Variants in UST observed in about 807,000 individuals in gnomAD.
UST encodes chondroitin sulfate 2-O-sulfotransferase.
A neutral mutation model predicts 45.6 loss-of-function variants in UST; 21 were observed. The ratio of observed to expected loss-of-function variants is 0.46; its 90% CI spans 0.33 to 0.66. The LOEUF is 0.66. UST is among the 30% of genes least tolerant of loss of function. The pLI, the probability that UST is intolerant of heterozygous loss-of-function variation, is 0.02. For missense variants in UST, 463 were observed against 512.4 expected, an observed-to-expected ratio of 0.90 and a Z score of 0.93; for synonymous variants, 215 against 200.6, an observed-to-expected ratio of 1.07 and a Z score of -0.61.
intron 1 of UST, among the ~76,000 whole-genome samples, chr6:148,870,465 C>T (rs114770536): frequency 0.011 from 1,645 of 152,300 alleles, 30 homozygotes; most frequent in African/African-American, 0.037. Flanking sequence ...GGTTTCAAGT[C>T]GTAAACACAT....
At chr6:148,888,422 C>T (rs1778951075) in intron 2 of UST, among the ~76,000 whole-genome samples, 1 of 152,156 alleles carries the variant, frequency 6.6e-6, no homozygotes, top group Admixed American at 6.5e-5. Context: ...TTTAGACCAC[C>T]CCCACATTCA....
At chr6:149,014,641 G>T (rs1193370522) in intron 5 of UST, among the ~76,000 whole-genome samples, 1 of 152,218 alleles carries the variant, frequency 6.6e-6, no homozygotes, top group East Asian at 1.9e-4. Context: ...ACTGGAGTAT[G>T]TTAACTCTCC....
chr6:148,991,522 C>T (rs1781352609), intron 5 of UST, among the ~76,000 whole-genome samples: 1 of 128,146 alleles, frequency 7.8e-6, no homozygotes, highest in Non-Finnish European at 1.6e-5. Context: ...CCCCCCACCC[C>T]ACGACAGGCC....
At chr6:148,919,095 T>C (rs1214398690) in intron 2 of UST, among the ~76,000 whole-genome samples, 2 of 152,184 alleles carry the variant, frequency 1.3e-5, no homozygotes, top group Admixed American at 6.5e-5. Context: ...ACCCCGTTAA[T>C]ACCCAGTCTC....
intron 2 of UST, among the ~76,000 whole-genome samples, chr6:148,910,340 A>G (rs773444374): frequency 1.5e-4 from 23 of 152,068 alleles, no homozygotes; most frequent in Non-Finnish European, 1.0e-4. Flanking sequence ...GGGTTTCTCC[A>G]TGTTGGTCAG....
intron 1 of UST, among the ~76,000 whole-genome samples, chr6:148,789,414 G>A (rs546236654): frequency 1.3e-5 from 2 of 149,596 alleles, no homozygotes; most frequent in African/African-American, 2.5e-5. Context: ...AGGATCTAGA[G>A]TTCTTGTGCA....
chr6:149,017,823 C>T lies in UST; in HGVS notation c.682-1316C>T, dbSNP rs1330228553. Reference sequence around the variant, plus strand: ...ATACACACACACACACACACACACACACACACACACACACATCTGTCAGTG... The same window carrying T: ...ATACACACACACACACACACACACATACACACACACACACATCTGTCAGTG... On this transcript the variant is annotated intron_variant, in intron 5 of 7. Coordinates refer to ENST00000367463, the MANE Select transcript of UST (RefSeq NM_005715.3). Among the ~76,000 whole-genome samples, 7 of 149,664 alleles carry T rather than the reference C, an allele frequency of 4.7e-5. 1 individual carries two copies. The highest frequency in any genetic ancestry group is 1.3e-4 in the Admixed American group (2 of 15,226).
chr6:148,928,647 GATCT>G (rs1394966557), intron 2 of UST, among the ~76,000 whole-genome samples: 2 of 152,186 alleles, frequency 1.3e-5, no homozygotes, highest in African/African-American at 4.8e-5. Flanking sequence ...TCCATGATCA[GATCT>G]ATGCTGGTGG....
rs549483335 is a variant in UST, at chr6:148,761,727, G to A, written c.247+14050G>A. ...TTGCCAGCCTGGCCCGGGGATTGTG[G>A]TGTGGTCACCTCTTAGCAGGTGGAG... On this transcript the variant is annotated intron_variant, in intron 1 of 7. Coordinates refer to ENST00000367463, the MANE Select transcript of UST (RefSeq NM_005715.3). Among the ~76,000 whole-genome samples, 4 of 152,332 alleles carry A rather than the reference G, an allele frequency of 2.6e-5. No homozygotes were observed. The East Asian group carries it at 7.7e-4, about 29-fold the overall frequency.
chr6:149,019,180 C>A lies in UST; in HGVS notation c.723C>A (p.Ser241=). The change falls in exon 6 of 8, where the codon TCC becomes TCA. Residue 241 remains serine, a synonymous_variant. Transcript: ENST00000367463. ...TTCTTGAAAACTATCCCGAGTGCTCCAACCCCAGGTTATTTTACATCATTC... is the reference window on the plus strand; with the variant it reads ...TTCTTGAAAACTATCCCGAGTGCTCAAACCCCAGGTTATTTTACATCATTC... ...ECILENYPEC[S]NPRLFYIIPY... The A allele has an allele frequency of 6.2e-7, 1 of 1,614,062 alleles. No individual in the cohort carries two copies. Among genetic ancestry groups the A allele is most frequent in the Non-Finnish European group, 8.5e-7 (1 of 1,179,970 alleles).
chr6:148,842,359 C>A (rs1269884320), intron 1 of UST, among the ~76,000 whole-genome samples: 1 of 152,198 alleles, frequency 6.6e-6, no homozygotes, highest in East Asian at 1.9e-4. Context: ...CATATGCACA[C>A]ATCTGTTATA....
chr6:149,069,895 G>T (rs977919683), intron 7 of UST, among the ~76,000 whole-genome samples: 3 of 152,202 alleles, frequency 2.0e-5, no homozygotes, highest in African/African-American at 7.2e-5. Context: ...AGATAGTTTT[G>T]TAGTCAAGGT....
At chr6:148,761,980 G>A (rs1013343485) in intron 1 of UST, among the ~76,000 whole-genome samples, 5 of 152,166 alleles carry the variant, frequency 3.3e-5, no homozygotes, top group African/African-American at 7.2e-5. Context: ...ACCAAATGGC[G>A]CAGTGTCTTT....
intron 5 of UST, among the ~76,000 whole-genome samples, chr6:149,016,531 C>T (rs1775901410): frequency 6.6e-6 from 1 of 151,882 alleles, no homozygotes; most frequent in South Asian, 2.1e-4. Context: ...TGCTTTAGTC[C>T]AGGCAGGGTG....
In UST at chr6:149,074,193, G is replaced by C; in HGVS notation, c.*77G>C. 1.3e-6 allele frequency: 2 copies of C among 1,495,106 alleles called. No homozygotes were observed. Among genetic ancestry groups the C allele is most frequent in the Non-Finnish European group, 1.8e-6 (2 of 1,098,086 alleles). 92.6% of individuals were successfully genotyped at this position (1,495,106 alleles called of 1,614,324 possible). ...GTTTGGGGAAGTAAAATCCTTAAGG[G>C]ACTAAATTAATGCTTGGGTGCATTA... is the stretch of plus-strand genomic sequence containing the variant. On this transcript the variant is annotated 3_prime_UTR_variant, in exon 8 of 8. Transcript: ENST00000367463.
chr6:148,807,545 C>G (rs1206238482), intron 1 of UST, among the ~76,000 whole-genome samples: 2 of 152,110 alleles, frequency 1.3e-5, no homozygotes, highest in East Asian at 3.9e-4. Context: ...TCTCTCTTCC[C>G]TCTGGAAGGT....
At chr6:149,015,418 G>T (rs368265704) in intron 5 of UST, among the ~76,000 whole-genome samples, 1 of 152,130 alleles carries the variant, frequency 6.6e-6, no homozygotes, top group Non-Finnish European at 1.5e-5. Flanking sequence ...CTTGAGCAGC[G>T]TGGGGTCTTA....
chr6:149,052,306 A>T (rs1776498883), intron 7 of UST, among the ~76,000 whole-genome samples: 1 of 152,244 alleles, frequency 6.6e-6, no homozygotes, highest in African/African-American at 2.4e-5. Flanking sequence ...GATAACAGTC[A>T]TAATATTAAT....
intron 2 of UST, among the ~76,000 whole-genome samples, chr6:148,921,525 C>A (rs1779706313): frequency 6.6e-6 from 1 of 152,176 alleles, no homozygotes; most frequent in Non-Finnish European, 1.5e-5. Context: ...AAAAACTCTA[C>A]CTCTCCAGGG....
Sources: gnomAD v4.1 joint callset for allele counts (sites outside exome capture counted in the v4.1 genomes callset) on GRCh38, gnomAD v4.1.1 for gene constraint, MANE v1.5 for transcripts, NCBI Gene and HGNC (gene_info 2026-07-23, HGNC 2026-07-21) for gene names.